Variants in QRSL1 observed in about 807,000 individuals in gnomAD.
QRSL1 encodes the protein glutamyl-tRNA(Gln) amidotransferase subunit A, mitochondrial.
QRSL1 carries 54 observed loss-of-function variants against 61.6 expected under a neutral mutation model. That is an observed-to-expected ratio of 0.88 (90% CI 0.70 to 1.10). QRSL1 has a LOEUF of 1.10. Among genes scored for constraint, QRSL1 ranks in the 50% least tolerant of loss-of-function variants. QRSL1 has a pLI of 0.00. For missense variants in QRSL1, 505 were observed against 622.6 expected (o/e 0.81, Z 2.01); for synonymous variants, 228 against 225.7 (o/e 1.01, Z -0.09).
At chr6:106,664,138 A>C (rs1265275115) in intron 10 of QRSL1, among the ~76,000 whole-genome samples, 1 of 152,230 alleles carries the variant, frequency 6.6e-6, no homozygotes, top group African/African-American at 2.4e-5. Flanking sequence ...TTTATATTCA[A>C]ATTTTCTCAG....
intron 1 of QRSL1, among the ~76,000 whole-genome samples, chr6:106,639,623 T>G (rs1157533402): frequency 6.6e-6 from 1 of 152,224 alleles, no homozygotes; most frequent in Non-Finnish European, 1.5e-5. Context: ...CCCTTTTATC[T>G]GATTAGTAAG....
At position 106,649,187 on chromosome 6, in the gene QRSL1, G is replaced by T. The variant is rs762498971; in HGVS notation, c.543G>T (p.Ala181=). ...SSGGSAAAVS[A]FTCYAALGSD... Reference sequence around the variant, plus strand: ...GTGGGAGTGCAGCTGCTGTATCGGCGTTCACATGCTACGCGTAAGATGCTT... The same window carrying T: ...GTGGGAGTGCAGCTGCTGTATCGGCTTTCACATGCTACGCGTAAGATGCTT... The change falls in exon 5 of 11, where the codon GCG becomes GCT. Residue 181 remains alanine (A), a synonymous_variant. Coordinates refer to ENST00000369046, the MANE Select transcript of QRSL1 (RefSeq NM_018292.5). 18 of 1,613,916 alleles carry T rather than the reference G, an allele frequency of 1.1e-5. No individual in the cohort carries two copies. The highest frequency in any genetic ancestry group is 1.7e-5 in the Admixed American group (1 of 59,980).
At chr6:106,642,392 G>C (rs1028403945) in intron 3 of QRSL1, 2 of 469,022 alleles carry the variant, frequency 4.3e-6, no homozygotes, top group Non-Finnish European at 7.9e-6. Context: ...CATGTTCGCT[G>C]TTTTGTTTCC....
intron 7 of QRSL1, among the ~76,000 whole-genome samples, chr6:106,654,345 G>A (rs892972310): frequency 3.3e-5 from 5 of 149,436 alleles, no homozygotes; most frequent in East Asian, 2.0e-4. Flanking sequence ...GTGAGACTCC[G>A]TCTCAAAAAA....
chr6:106,637,531 T>C (rs951794826), intron 1 of QRSL1, among the ~76,000 whole-genome samples: 7 of 152,144 alleles, frequency 4.6e-5, no homozygotes, highest in African/African-American at 1.7e-4. Flanking sequence ...CCAAGGCATG[T>C]GCTTTGGGTG....
At chr6:106,645,150 AAG>A (rs1013428859) in intron 4 of QRSL1, among the ~76,000 whole-genome samples, 3 of 152,184 alleles carry the variant, frequency 2.0e-5, no homozygotes, top group Non-Finnish European at 4.4e-5. Flanking sequence ...ATTATGTAGT[AAG>A]AGTCTTCTAA....
chr6:106,668,175 TC>T lies in QRSL1; in HGVS notation c.*2175del, dbSNP rs1456047440. ...TTTCAAATAATATTAAATCTCTTGT[TC>T]CTGTATCTCTACATGAGCTGCACTA... On this transcript the variant is annotated 3_prime_UTR_variant, in exon 11 of 11. Transcript: ENST00000369046. 1 of 152,196 alleles carries T rather than the reference TC, an allele frequency of 6.6e-6. No individual in the cohort carries two copies. The highest frequency in any genetic ancestry group is 6.5e-5 in the Admixed American group (1 of 15,280). The allele number at this position is 152,196 out of a possible 1,614,324, so 9.4% of individuals were successfully genotyped here. A position where few individuals can be genotyped will look rare whatever the true frequency, so the allele number is the denominator to read the frequency against.
At chr6:106,663,211 A>T in intron 10 of QRSL1, 26 bp downstream of exon 10, 1 of 1,605,234 alleles carries the variant, frequency 6.2e-7, no homozygotes, top group Non-Finnish European at 8.5e-7. Flanking sequence ...GAACATTCTG[A>T]TTTTCTTCAA....
intron 1 of QRSL1, among the ~76,000 whole-genome samples, chr6:106,638,161 T>G (rs1270552375): frequency 3.3e-5 from 5 of 152,224 alleles, no homozygotes; most frequent in Admixed American, 1.3e-4. Flanking sequence ...TATTTGTCTC[T>G]CTAGCTCTGG....
chr6:106,642,850 C>T, intron 3 of QRSL1, 144 bp from the exon 4 acceptor site: 1 of 772,906 alleles, frequency 1.3e-6, no homozygotes, highest in East Asian at 2.4e-5. Flanking sequence ...CTGCTCCACC[C>T]AGAGAAGCGC....
chr6:106,629,811 G>GCT, intron 1 of QRSL1, 106 bp downstream of exon 1: 2 of 1,379,154 alleles, frequency 1.5e-6, no homozygotes, highest in Non-Finnish European at 2.0e-6. Context: ...CCACCTCGCT[G>GCT]CTTCCTCTAG....
chr6:106,639,895 T>G (rs922535786), intron 1 of QRSL1, among the ~76,000 whole-genome samples: 1 of 152,130 alleles, frequency 6.6e-6, no homozygotes, highest in African/African-American at 2.4e-5. Context: ...AACTCCACAA[T>G]AGGTATAAAG....
intron 9 of QRSL1, among the ~76,000 whole-genome samples, chr6:106,658,227 C>T (rs1777302109): frequency 6.6e-6 from 1 of 151,972 alleles, no homozygotes; most frequent in Non-Finnish European, 1.5e-5. Flanking sequence ...GTGCTTTTCT[C>T]TCTGCTCTAG....
At chr6:106,639,883 C>T (rs942350143) in intron 1 of QRSL1, among the ~76,000 whole-genome samples, 3 of 152,086 alleles carry the variant, frequency 2.0e-5, no homozygotes, top group Admixed American at 6.5e-5. Context: ...GTCTCTTACT[C>T]GAACTCCACA....
chr6:106,629,967 G>A (rs1474190515), intron 1 of QRSL1, among the ~76,000 whole-genome samples: 1 of 151,282 alleles, frequency 6.6e-6, no homozygotes, highest in Admixed American at 6.7e-5. Context: ...TTGCTCTGGT[G>A]TAGGTCGGGA....
At chr6:106,646,469 A>T (rs539623175) in intron 4 of QRSL1, among the ~76,000 whole-genome samples, 1 of 152,280 alleles carries the variant, frequency 6.6e-6, no homozygotes, top group African/African-American at 2.4e-5. Flanking sequence ...GATAAGAGAT[A>T]AAGAAAGTAA....
chr6:106,660,776 C>T (rs1777343408), intron 9 of QRSL1, among the ~76,000 whole-genome samples: 1 of 152,022 alleles, frequency 6.6e-6, no homozygotes, highest in Non-Finnish European at 1.5e-5. Context: ...TGAGGGCCTT[C>T]TTGCTATGTC....
At chr6:106,659,254 C>A (rs1178871812) in intron 9 of QRSL1, among the ~76,000 whole-genome samples, 1 of 152,044 alleles carries the variant, frequency 6.6e-6, no homozygotes, top group Non-Finnish European at 1.5e-5. Flanking sequence ...AACTTGAGGT[C>A]AGGAGTTCGA....
chr6:106,664,839 A>G (rs1777407525), intron 10 of QRSL1, among the ~76,000 whole-genome samples: 1 of 152,170 alleles, frequency 6.6e-6, no homozygotes, highest in Admixed American at 6.5e-5. Context: ...CAATTTCTGG[A>G]GTAATATTTT....
Sources: allele counts gnomAD v4.1 joint callset (sites outside exome capture counted in the v4.1 genomes callset), GRCh38; gene constraint gnomAD v4.1.1; transcripts MANE v1.5; gene names NCBI Gene and HGNC (gene_info 2026-07-23, HGNC 2026-07-21).